The following KCNH3 variants were observed in gnomAD, a reference collection of about 807,000 sequenced individuals.
The protein encoded by KCNH3 is voltage-gated inwardly rectifying potassium channel KCNH3.
KCNH3 carries 36 observed loss-of-function variants against 95.6 expected under a neutral mutation model. The ratio of observed to expected loss-of-function variants is 0.38; its 90% CI spans 0.29 to 0.50. The LOEUF (loss-of-function observed/expected upper bound fraction) is 0.50, where lower values mean the gene tolerates loss of function less well. KCNH3 is among the 20% of genes least tolerant of loss of function. The pLI is 0.95. For missense variants in KCNH3, 1,030 were observed against 1,484.1 expected, an observed-to-expected ratio of 0.69 and a Z score of 5.03; for synonymous variants, 620 against 646.3, an observed-to-expected ratio of 0.96 and a Z score of 0.62.
chr12:49,548,818 C>T (rs1592504206), intron 7 of KCNH3, 77 bp from the exon 8 acceptor site: 13 of 1,427,080 alleles, frequency 9.1e-6, no homozygotes, highest in South Asian at 1.4e-5. Flanking sequence ...TCTGTGTCTG[C>T]GTGTCCCCAC....
intron 10 of KCNH3, among the ~76,000 whole-genome samples, chr12:49,551,594 A>AAAAAG (rs1488822114): frequency 1.3e-5 from 2 of 151,448 alleles, no homozygotes; most frequent in South Asian, 2.1e-4. Context: ...AAAAAAAAAA[A>AAAAAG]AAAAGAAAAG....
chr12:49,549,584 A>G lies in KCNH3; in HGVS notation c.1612A>G (p.Met538Val). 6.2e-7 allele frequency: 1 copy of G among 1,613,060 alleles called. No individual in the cohort carries two copies. Among genetic ancestry groups the G allele is most frequent in the Non-Finnish European group, 8.5e-7 (1 of 1,180,032 alleles). ...HRIPKPLKQRMLEYFQATWAV... is the reference protein window; with the variant it reads ...HRIPKPLKQRVLEYFQATWAV... ...TATCCCCAAGCCCCTCAAGCAGCGC[A>G]TGCTGGAGTACTTCCAGGCCACCTG... Residue 538 changes from methionine (M) to valine (V), a missense_variant, in exon 9 of 15, where the codon ATG (methionine) becomes GTG (valine). Transcript: ENST00000257981.
Position 49,549,437 on chromosome 12 carries a change from C to G in KCNH3, c.1469-4C>G. 1 of 1,613,340 alleles carries G rather than the reference C, an allele frequency of 6.2e-7. No individual in the cohort carries two copies. On this transcript the variant is annotated splice_region_variant and splice_polypyrimidine_tract_variant and intron_variant, in intron 8 of 14. Coordinates refer to ENST00000257981, the MANE Select transcript of KCNH3 (RefSeq NM_012284.3). ...GGTGACCCCCTCTCGTCACCCTCCC[C>G]CAGCCCTGATGCACGCGGTGGTGTT... is the stretch of plus-strand genomic sequence containing the variant.
Position 49,557,778 on chromosome 12 carries a change from G to A in KCNH3, c.3077G>A (p.Arg1026Lys), listed in dbSNP as rs201811830. The part of the protein sequence containing the change: ...ASPPPSEEGA[R>K]TGPAEPVSQA... ...CCTCCTCCTTCTGAGGAAGGGGCTA[G>A]GACTGGGCCCGCAGAGCCTGTGAGC... Residue 1026 changes from arginine (R) to lysine (K), a missense_variant, in exon 15 of 15, where the codon AGG becomes AAG. Arg to Lys is a conservative substitution (Grantham distance 26). Around this residue, in one of 9 missense-constraint regions of KCNH3, gnomAD observed 464 missense variants for 493.2 expected, o/e 0.94. Transcript: ENST00000257981. The A allele has an allele frequency of 6.2e-7, 1 of 1,610,342 alleles. No homozygotes were observed. Among genetic ancestry groups the A allele is most frequent in the South Asian group, 1.1e-5 (1 of 90,948 alleles).
At chr12:49,550,043 T>TAGCCCCC in intron 9 of KCNH3, 37 bp from the exon 10 acceptor site, 1 of 1,299,540 alleles carries the variant, frequency 7.7e-7, no homozygotes, top group Non-Finnish European at 1.1e-6. Flanking sequence ...CTTCTGCCAC[T>TAGCCCCC]CCCAACCCCC....
chr12:49,543,857 A>C, intron 5 of KCNH3, 58 bp from the exon 6 acceptor site: 2 of 1,564,046 alleles, frequency 1.3e-6, no homozygotes, highest in Non-Finnish European at 1.7e-6. Context: ...GCAGGTGTCC[A>C]GGCAAGAGTG....
chr12:49,550,378 A>G, intron 10 of KCNH3, 49 bp downstream of exon 10: 1 of 1,557,180 alleles, frequency 6.4e-7, no homozygotes. Context: ...GTGTGAGACC[A>G]TGGCCCTGAT....
rs145751001 is a variant in KCNH3 at position 49,552,179 on chromosome 12, G to A, written c.1918+1850G>A. Among the ~76,000 whole-genome samples the A allele has an allele frequency of 2.2e-4, 33 of 152,350 alleles. No homozygotes were observed. The East Asian group carries it at 5.6e-3, about 26-fold the overall frequency. Reference sequence around the variant, plus strand: ...CTGGTGAACCCAAAGCAGGATTGACGAGTGGATTACGAAACAGATGGTTTC... The same window carrying A: ...CTGGTGAACCCAAAGCAGGATTGACAAGTGGATTACGAAACAGATGGTTTC... On this transcript the variant is annotated intron_variant, in intron 10 of 14. Coordinates refer to ENST00000257981, the MANE Select transcript of KCNH3 (RefSeq NM_012284.3).
intron 13 of KCNH3, among the ~76,000 whole-genome samples, chr12:49,556,957 G>A (rs565912871): frequency 2.0e-5 from 3 of 152,110 alleles, no homozygotes; most frequent in South Asian, 4.2e-4. Context: ...AACTTTTTGA[G>A]GGGAAGGAGA....
At chr12:49,540,812 C>T in intron 1 of KCNH3, 87 bp from the exon 2 acceptor site, 1 of 1,108,628 alleles carries the variant, frequency 9.0e-7, no homozygotes, top group Non-Finnish European at 1.3e-6. Context: ...AAAACCCACT[C>T]TTTGGTTGCA....
chr12:49,556,829 T>C (rs990719456), intron 13 of KCNH3: 22 of 638,824 alleles, frequency 3.4e-5, no homozygotes, highest in African/African-American at 1.1e-4. Context: ...ACTGAAGGGA[T>C]AGAGGGCTGG....
intron 7 of KCNH3, among the ~76,000 whole-genome samples, chr12:49,548,497 GGAGTCCC>G: frequency 6.6e-6 from 1 of 152,288 alleles, no homozygotes; most frequent in South Asian, 2.1e-4. Flanking sequence ...TGCAGGAAGA[GGAGTCCC>G]GTTGGACAGG....
chr12:49,545,495 C>T (rs530516782), intron 7 of KCNH3, among the ~76,000 whole-genome samples: 31 of 151,496 alleles, frequency 2.0e-4, no homozygotes, highest in Non-Finnish European at 2.9e-4. Flanking sequence ...TGGGTTCACG[C>T]CATTCTCCTG....
At chr12:49,544,651 C>G (rs1425385807) in intron 7 of KCNH3, among the ~76,000 whole-genome samples, 1 of 152,138 alleles carries the variant, frequency 6.6e-6, no homozygotes, top group Non-Finnish European at 1.5e-5. Context: ...TCCTTAAACC[C>G]CTGCCCCGTT....
At chr12:49,544,144 C>CCACCCA in intron 6 of KCNH3, 31 bp from the exon 7 acceptor site, 1 of 1,493,154 alleles carries the variant, frequency 6.7e-7, no homozygotes, top group Non-Finnish European at 9.2e-7. Context: ...GCTGACCTCC[C>CCACCCA]TCCCTCCCTC....
Position 49,558,124 on chromosome 12 carries a change from A to G in KCNH3, c.*171A>G. 1 of 661,466 alleles carries G rather than the reference A, an allele frequency of 1.5e-6. No individual in the cohort carries two copies. The allele number at this position is 661,466 out of a possible 1,614,324, so 41.0% of individuals were successfully genotyped here. A position where few individuals can be genotyped will look rare whatever the true frequency, so the allele number is the denominator to read the frequency against. On this transcript the variant is annotated 3_prime_UTR_variant, in exon 15 of 15. Coordinates refer to ENST00000257981, the MANE Select transcript of KCNH3 (RefSeq NM_012284.3). The stretch of plus-strand genomic sequence containing the variant: ...CTGGCTCCTGACTCTCAGAGAGGAT[A>G]GGCTGGATCCCTGGGGCAGGCCTCT...
intron 7 of KCNH3, among the ~76,000 whole-genome samples, chr12:49,548,069 C>T (rs924233809): frequency 6.6e-6 from 1 of 151,878 alleles, no homozygotes; most frequent in Admixed American, 6.6e-5. Flanking sequence ...AGCCTCTGCT[C>T]CGTGGCCCGG....
chr12:49,550,022 G>A lies in KCNH3; in HGVS notation c.1669-58G>A, dbSNP rs1353946562. 4 of 1,514,430 alleles carry A rather than the reference G, an allele frequency of 2.6e-6. No individual in the cohort carries two copies. In the East Asian group the frequency reaches 9.3e-5, roughly 35 times the overall value. The allele number at this position is 1,514,430 out of a possible 1,614,324, so 93.8% of individuals were successfully genotyped here. A position where few individuals can be genotyped will look rare whatever the true frequency, so the allele number is the denominator to read the frequency against. On this transcript the variant is annotated intron_variant, in intron 9 of 14. Transcript: ENST00000257981. ...CCAGGGTGGAGAGGGGCTGGCTGGA[G>A]GCCACCTCCTCTTCTGCCACTCCCA... is the stretch of plus-strand genomic sequence containing the variant.
chr12:49,556,403 G>A lies in KCNH3; in HGVS notation c.2502G>A (p.Ser834=), dbSNP rs778645209. ...ATGGCATTGAAGACGGCTGTGGCTC[G>A]GACCAGCCCAAGTTCTCTTTCCGCG... is the stretch of plus-strand genomic sequence containing the variant. The part of the protein sequence containing the change: ...VVDGIEDGCG[S]DQPKFSFRVG... The change falls in exon 13 of 15, where the codon TCG becomes TCA. Residue 834 remains serine, a synonymous_variant. Coordinates refer to ENST00000257981, the MANE Select transcript of KCNH3 (RefSeq NM_012284.3). 45 of 1,613,818 alleles carry A rather than the reference G, an allele frequency of 2.8e-5. No homozygotes were observed. Among genetic ancestry groups the A allele is most frequent in the Admixed American group, 8.3e-5 (5 of 59,992 alleles).
Sources: allele counts gnomAD v4.1 joint callset (sites outside exome capture counted in the v4.1 genomes callset), GRCh38; gene constraint gnomAD v4.1.1; regional missense constraint gnomAD v4.1.1; transcripts MANE v1.5; gene names NCBI Gene and HGNC (gene_info 2026-07-23, HGNC 2026-07-21).